Variants in ASB2 observed in about 807,000 individuals in gnomAD.
The protein encoded by ASB2 is ankyrin repeat and SOCS box containing 2.
ASB2 carries 58 observed loss-of-function variants against 62.4 expected under a neutral mutation model. That is an observed-to-expected ratio of 0.93 (90% CI 0.75 to 1.16). The LOEUF is 1.16. Among genes scored for constraint, ASB2 ranks in the 50% most tolerant of loss-of-function variants. ASB2 has a pLI of 0.00. For missense variants in ASB2, 928 were observed against 887.9 expected, an observed-to-expected ratio of 1.05 and a Z score of -0.57; for synonymous variants, 386 against 385.3, an observed-to-expected ratio of 1.00 and a Z score of -0.02.
At position 93,934,568 on chromosome 14, in the gene ASB2, C is replaced by G; in HGVS notation, c.*88G>C. On this transcript the variant is annotated 3_prime_UTR_variant, in exon 10 of 10. Coordinates refer to ENST00000555019, the MANE Select transcript of ASB2 (RefSeq NM_001202429.2). ...AGGCAGCCTGCAGCCTCGTCTGTCA[C>G]CAGGTCCCCTTGGAGTTGGGAACAC... 7.1e-7 allele frequency: 1 copy of G among 1,413,672 alleles called. No individual in the cohort carries two copies. Among genetic ancestry groups the G allele is most frequent in the Non-Finnish European group, 9.9e-7 (1 of 1,014,226 alleles). 87.6% of individuals were successfully genotyped at this position (1,413,672 alleles called of 1,614,324 possible).
intron 2 of ASB2, among the ~76,000 whole-genome samples, chr14:93,957,628 G>C (rs990989248): frequency 1.3e-5 from 2 of 152,180 alleles, no homozygotes; most frequent in Admixed American, 6.5e-5. Flanking sequence ...TAAGTGAATG[G>C]TGTGAGGAGC....
At chr14:93,959,930 G>T (rs1403484113) in intron 2 of ASB2, among the ~76,000 whole-genome samples, 6 of 151,720 alleles carry the variant, frequency 4.0e-5, no homozygotes. Context: ...TCCGCCCCAC[G>T]CCCGCCAACA....
rs144514108 is a variant in ASB2 at position 93,937,779 on chromosome 14, C to T, written c.1690G>A (p.Val564Met). 110 of 1,613,276 alleles carry T rather than the reference C, an allele frequency of 6.8e-5. No homozygotes were observed. Among genetic ancestry groups the T allele is most frequent in the East Asian group, 1.1e-4 (5 of 44,872 alleles). The change falls in exon 9 of 10, where the codon GTG becomes ATG. Residue 564 changes from valine (V) to methionine (M), a missense_variant. By Grantham distance (21) the Val-to-Met change is conservative (BLOSUM62 1). Coordinates refer to ENST00000555019, the MANE Select transcript of ASB2 (RefSeq NM_001202429.2). ...CGCGAGCAGAGCTGCACGTTGCCCA[C>T]GTAGTCCAGGAGGACATCGATGATG... ...GPIIDVLLDY[V>M]GNVQLCSRLK... is the part of the protein sequence containing the mutation.
At position 93,934,230 on chromosome 14, in the gene ASB2, C is replaced by T; in HGVS notation, c.*426G>A. The T allele has an allele frequency of 2.2e-6, 1 of 457,158 alleles. No homozygotes were observed. The highest frequency in any genetic ancestry group is 4.4e-6 in the Non-Finnish European group (1 of 227,744). The allele number at this position is 457,158 out of a possible 1,614,324, so 28.3% of individuals were successfully genotyped here. ...CCCTCCAAGACCCAGGCTCCCCCTA[C>T]CCCCTACCTTGGGCCACGTCTTCAT... On this transcript the variant is annotated 3_prime_UTR_variant, in exon 10 of 10. Transcript: ENST00000555019.
Position 93,956,225 on chromosome 14 carries a change from G to A in ASB2, c.311+541C>T, listed in dbSNP as rs149176170. On this transcript the variant is annotated intron_variant, in intron 3 of 9. Coordinates refer to ENST00000555019, the MANE Select transcript of ASB2 (RefSeq NM_001202429.2). ...TGCCCCCTGGTGCCAGGCAAACAGAGCCCCTGCAGCTTAGATTATTTCTGG... is the reference window on the plus strand; with the variant it reads ...TGCCCCCTGGTGCCAGGCAAACAGAACCCCTGCAGCTTAGATTATTTCTGG... Among the ~76,000 whole-genome samples, 827 of 152,278 alleles carry A rather than the reference G, an allele frequency of 5.4e-3. 9 individuals carry two copies. The highest frequency in any genetic ancestry group is 0.018 in the African/African-American group (732 of 41,552).
chr14:93,956,174 T>C (rs1247935013), intron 3 of ASB2, among the ~76,000 whole-genome samples: 1 of 152,162 alleles, frequency 6.6e-6, no homozygotes, highest in Non-Finnish European at 1.5e-5. Context: ...GGAGGCAGAA[T>C]TATTTTCTAA....
intron 2 of ASB2, among the ~76,000 whole-genome samples, chr14:93,958,259 T>G (rs1281595438): frequency 6.6e-6 from 1 of 152,228 alleles, no homozygotes; most frequent in East Asian, 1.9e-4. Flanking sequence ...TGTCCTCATT[T>G]ATCCACATCC....
chr14:93,959,793 AT>A (rs1364195747), intron 2 of ASB2, among the ~76,000 whole-genome samples: 1 of 151,838 alleles, frequency 6.6e-6, no homozygotes, highest in East Asian at 1.9e-4. Flanking sequence ...GAGTCAATGG[AT>A]GGCTGCTCTG....
intron 1 of ASB2, among the ~76,000 whole-genome samples, chr14:93,970,790 G>A (rs1048283237): frequency 3.9e-5 from 6 of 152,174 alleles, no homozygotes; most frequent in Non-Finnish European, 7.3e-5. Context: ...GCCACGTGAT[G>A]TGAAGCAGGT....
At chr14:93,957,241 A>G (rs1889259172) in intron 2 of ASB2, 1 of 1,210,126 alleles carries the variant, frequency 8.3e-7, no homozygotes, top group Non-Finnish European at 1.0e-6. Flanking sequence ...CCAGGATGAA[A>G]GGGGCTCAGG....
At chr14:93,958,334 T>A (rs553286760) in intron 2 of ASB2, among the ~76,000 whole-genome samples, 2 of 152,216 alleles carry the variant, frequency 1.3e-5, no homozygotes, top group Non-Finnish European at 2.9e-5. Flanking sequence ...GGGACTTAAC[T>A]GTGCAGGGTC....
At chr14:93,952,118 A>C (rs1280561898) in intron 5 of ASB2, among the ~76,000 whole-genome samples, 2 of 152,208 alleles carry the variant, frequency 1.3e-5, no homozygotes, top group African/African-American at 4.8e-5. Context: ...GTACTGTTTC[A>C]AATAGAACCA....
At chr14:93,966,302 G>T (rs566320346) in intron 1 of ASB2, among the ~76,000 whole-genome samples, 1 of 152,242 alleles carries the variant, frequency 6.6e-6, no homozygotes, top group African/African-American at 2.4e-5. Context: ...TTCAAGCCAG[G>T]TGGGACAATC....
chr14:93,962,001 A>C (rs1889422505), intron 2 of ASB2, among the ~76,000 whole-genome samples: 1 of 152,082 alleles, frequency 6.6e-6, no homozygotes, highest in Non-Finnish European at 1.5e-5. Context: ...GCACAGAAGC[A>C]ATCCACTTTG....
At chr14:93,959,444 C>T (rs1285229831) in intron 2 of ASB2, among the ~76,000 whole-genome samples, 2 of 152,160 alleles carry the variant, frequency 1.3e-5, no homozygotes, top group Non-Finnish European at 2.9e-5. Flanking sequence ...GGCTGGGGAG[C>T]CAGGGCCCCT....
chr14:93,937,824 C>A lies in ASB2; in HGVS notation c.1645G>T (p.Val549Leu). 6.2e-7 allele frequency: 1 copy of A among 1,604,336 alleles called. No individual in the cohort carries two copies. Among genetic ancestry groups the A allele is most frequent in the Non-Finnish European group, 8.5e-7 (1 of 1,171,980 alleles). The change falls in exon 9 of 10, where the codon GTG (valine) becomes TTG (leucine). Residue 549 changes from valine to leucine, a missense_variant. By Grantham distance (32) the Val-to-Leu change is conservative. Coordinates refer to ENST00000555019, the MANE Select transcript of ASB2 (RefSeq NM_001202429.2). ...ATGATGGGCCCCGCCCAGCGGCTCA[C>A]CTCTGGGGCAGATACGAACTCACAG... ...QFCEFVSAPEVSRWAGPIIDV... is the reference protein window; with the variant it reads ...QFCEFVSAPELSRWAGPIIDV...
intron 3 of ASB2, chr14:93,955,073 C>T (rs1385835760): frequency 1.1e-5 from 5 of 456,564 alleles, no homozygotes; most frequent in Admixed American, 2.3e-5. Flanking sequence ...TTCATTGCTT[C>T]CTTCCTTCCT....
intron 1 of ASB2, among the ~76,000 whole-genome samples, chr14:93,964,957 C>A (rs750763855): frequency 2.0e-5 from 3 of 152,182 alleles, no homozygotes; most frequent in Non-Finnish European, 4.4e-5. Flanking sequence ...ATCTATCCTC[C>A]TATCCATCCA....
At chr14:93,966,217 C>T (rs572926638) in intron 1 of ASB2, among the ~76,000 whole-genome samples, 2 of 152,350 alleles carry the variant, frequency 1.3e-5, no homozygotes, top group African/African-American at 4.8e-5. Flanking sequence ...GCCATTTCCC[C>T]CATCTTCCCT....
Sources: gnomAD v4.1 joint callset for allele counts (sites outside exome capture counted in the v4.1 genomes callset) on GRCh38, gnomAD v4.1.1 for gene constraint, MANE v1.5 for transcripts, NCBI Gene and HGNC (gene_info 2026-07-23, HGNC 2026-07-21) for gene names.